The following NKAIN2 variants were observed in gnomAD, a reference collection of about 807,000 sequenced individuals.
NKAIN2 encodes the protein sodium/potassium transporting ATPase interacting 2.
NKAIN2 carries 14 observed loss-of-function variants against 32.6 expected under a neutral mutation model. The ratio of observed to expected loss-of-function variants is 0.43; its 90% CI spans 0.28 to 0.67. The LOEUF (loss-of-function observed/expected upper bound fraction) is 0.67, where lower values mean the gene tolerates loss of function less well. NKAIN2 is among the 30% of genes least tolerant of loss of function. NKAIN2 has a pLI of 0.17. For synonymous variants in NKAIN2, 80 were observed against 87.2 expected (o/e 0.92, Z 0.46); for missense variants, 198 against 258.3 (o/e 0.77, Z 1.60).
At chr6:124,745,940 A>T (rs6910069) in intron 4 of NKAIN2, among the ~76,000 whole-genome samples, 1 of 151,730 alleles carries the variant, frequency 6.6e-6, no homozygotes, top group South Asian at 2.1e-4. Context: ...GTCAAAGGCC[A>T]GAAAGAGCAA....
At chr6:123,853,313 A>G (rs1205438995) in intron 1 of NKAIN2, among the ~76,000 whole-genome samples, 1 of 152,196 alleles carries the variant, frequency 6.6e-6, no homozygotes, top group Non-Finnish European at 1.5e-5. Context: ...GTAAAGTGCA[A>G]TGCATTTTCT....
Position 124,465,225 on chromosome 6 carries a change from ACCAAC to A in NKAIN2, c.273+109883_273+109887del, listed in dbSNP as rs539076424. On this transcript the variant is annotated intron_variant, in intron 3 of 6. Transcript: ENST00000368417. ...CTGTTCTCAATAGCAAAGACTTGGA[ACCAAC>A]CCAAATGCCGATCAATGGTAGACTG... Among the ~76,000 whole-genome samples the A allele has an allele frequency of 1.4e-3, 218 of 152,194 alleles. 1 individual carries two copies. The highest frequency in any genetic ancestry group is 5.0e-3 in the African/African-American group (208 of 41,524).
chr6:124,280,445 A>G (rs964218259), intron 1 of NKAIN2, among the ~76,000 whole-genome samples: 1 of 152,192 alleles, frequency 6.6e-6, no homozygotes, highest in African/African-American at 2.4e-5. Context: ...CAAAGGGGCC[A>G]TGCACAGAAG....
chr6:123,976,350 TATATATATATATATATATTCCC>T lies in NKAIN2; in HGVS notation c.54+172115_54+172136del, dbSNP rs1320647844. Among the ~76,000 whole-genome samples the T allele has an allele frequency of 3.1e-3, 77 of 25,206 alleles. 5 individuals carry two copies. The highest frequency in any genetic ancestry group is 0.013 in the African/African-American group (72 of 5,362). The allele number at this position is 25,206 out of a possible 152,430, so 16.5% of individuals were successfully genotyped here. ...GTTCCCATATATATATATGTTCCCATATATATATATATATATATTCCCATATATATATATATATATATATATA... is the reference window on the plus strand; with the variant it reads ...GTTCCCATATATATATATGTTCCCATATATATATATATATATATATATATA... On this transcript the variant is annotated intron_variant, in intron 1 of 6. Transcript: ENST00000368417.
chr6:124,777,974 C>CAG (rs71541253), intron 4 of NKAIN2, among the ~76,000 whole-genome samples: 1 of 150,576 alleles, frequency 6.6e-6, no homozygotes, highest in Non-Finnish European at 1.5e-5. Flanking sequence ...CACACACACA[C>CAG]AAACACACAC....
chr6:124,212,052 T>G (rs1295957067), intron 1 of NKAIN2, among the ~76,000 whole-genome samples: 7 of 152,092 alleles, frequency 4.6e-5, no homozygotes, highest in Non-Finnish European at 1.0e-4. Context: ...CAGAATATGA[T>G]TATTTCTTTT....
chr6:123,932,194 T>C (rs1776279930), intron 1 of NKAIN2, among the ~76,000 whole-genome samples: 2 of 152,166 alleles, frequency 1.3e-5, no homozygotes, highest in Non-Finnish European at 1.5e-5. Flanking sequence ...GATTAAGACT[T>C]AGGCATTTGT....
Position 124,823,278 on chromosome 6 carries a change from T to A in NKAIN2, c.*49T>A, listed in dbSNP as rs750853059. 9 of 1,346,752 alleles carry A rather than the reference T, an allele frequency of 6.7e-6. No homozygotes were observed. Among genetic ancestry groups the A allele is most frequent in the Non-Finnish European group, 8.6e-6 (8 of 935,058 alleles). 83.4% of individuals were successfully genotyped at this position (1,346,752 alleles called of 1,614,324 possible). A position where few individuals can be genotyped will look rare whatever the true frequency, so the allele number is the denominator to read the frequency against. ...CCCATGGACCTTTCAAAGAACTTTT[T>A]TCGCAGTGGCCTCCTGCATTTCATG... On this transcript the variant is annotated 3_prime_UTR_variant, in exon 7 of 7. Coordinates refer to ENST00000368417, the MANE Select transcript of NKAIN2 (RefSeq NM_001040214.3).
intron 1 of NKAIN2, among the ~76,000 whole-genome samples, chr6:124,080,680 C>T (rs62435622): frequency 1.3e-5 from 2 of 151,972 alleles, no homozygotes; most frequent in African/African-American, 4.8e-5. Context: ...AACTTTATGG[C>T]CCTCCCTGAT....
At chr6:124,710,831 T>C (rs1775407096) in intron 4 of NKAIN2, among the ~76,000 whole-genome samples, 1 of 150,554 alleles carries the variant, frequency 6.6e-6, no homozygotes, top group African/African-American at 2.5e-5. Flanking sequence ...TCCATTTACA[T>C]TTAAAGTTAA....
intron 1 of NKAIN2, among the ~76,000 whole-genome samples, chr6:124,248,188 G>A (rs913167922): frequency 1.3e-5 from 2 of 152,116 alleles, no homozygotes; most frequent in African/African-American, 4.8e-5. Flanking sequence ...GAACTTGAAT[G>A]ATAGATTAGG....
intron 1 of NKAIN2, among the ~76,000 whole-genome samples, chr6:124,006,777 C>A (rs756368491): frequency 1.1e-4 from 16 of 152,124 alleles, no homozygotes; most frequent in Non-Finnish European, 2.2e-4. Flanking sequence ...GACATCTCAA[C>A]CACATGGACT....
At chr6:123,891,260 A>G (rs1366835773) in intron 1 of NKAIN2, among the ~76,000 whole-genome samples, 1 of 152,156 alleles carries the variant, frequency 6.6e-6, no homozygotes, top group African/African-American at 2.4e-5. Flanking sequence ...TTCAGGAAAT[A>G]TTGGGGATGA....
At chr6:124,330,873 T>C (rs1797622296) in intron 2 of NKAIN2, among the ~76,000 whole-genome samples, 1 of 152,084 alleles carries the variant, frequency 6.6e-6, no homozygotes, top group Non-Finnish European at 1.5e-5. Flanking sequence ...GCCAACCCTA[T>C]TGTGAATTGT....
chr6:124,683,739 T>C lies in NKAIN2; in HGVS notation c.474+25353T>C, dbSNP rs1773733028. Among the ~76,000 whole-genome samples the C allele has an allele frequency of 2.6e-5, 4 of 152,258 alleles. No individual in the cohort carries two copies. In the South Asian group the frequency reaches 8.3e-4, roughly 32 times the overall value. ...CTATTCACTCACTCAAGCATAAGCA[T>C]TGGCTTCAAATGCAGAGACAAAAGG... On this transcript the variant is annotated intron_variant, in intron 4 of 6. Transcript: ENST00000368417.
intron 3 of NKAIN2, among the ~76,000 whole-genome samples, chr6:124,356,814 A>G (rs949980942): frequency 6.6e-6 from 1 of 152,242 alleles, no homozygotes; most frequent in Admixed American, 6.5e-5. Context: ...AAGGAATTCC[A>G]TAGTCGAATG....
At chr6:124,139,414 A>G (rs1434598814) in intron 1 of NKAIN2, among the ~76,000 whole-genome samples, 3 of 152,226 alleles carry the variant, frequency 2.0e-5, no homozygotes, top group Middle Eastern at 3.2e-3. Flanking sequence ...GTAAAGTAAG[A>G]TAAAATAAAA....
chr6:124,634,833 A>AAAACAAAC (rs532079929), intron 3 of NKAIN2, among the ~76,000 whole-genome samples: 3 of 152,000 alleles, frequency 2.0e-5, no homozygotes, highest in Non-Finnish European at 4.4e-5. Context: ...AAAAACAGCA[A>AAAACAAAC]AAACAAACAA....
At chr6:124,792,688 A>G (rs564390348) in intron 5 of NKAIN2, among the ~76,000 whole-genome samples, 1 of 152,264 alleles carries the variant, frequency 6.6e-6, no homozygotes, top group African/African-American at 2.4e-5. Flanking sequence ...TTGATCTAGA[A>G]AGATGAATAG....
Sources: allele counts gnomAD v4.1 joint callset (sites outside exome capture counted in the v4.1 genomes callset), GRCh38; gene constraint gnomAD v4.1.1; transcripts MANE v1.5; gene names NCBI Gene and HGNC (gene_info 2026-07-23, HGNC 2026-07-21).